Variants in GPM6A observed in about 807,000 individuals in gnomAD.
The protein encoded by GPM6A is neuronal membrane glycoprotein M6-a.
Under a neutral mutation model 32.1 loss-of-function variants are expected in GPM6A, and 7 were observed. The observed-to-expected ratio is 0.22, with a 90% CI of 0.12 to 0.41. GPM6A has a LOEUF of 0.41. Among genes scored for constraint, GPM6A ranks in the 10% least tolerant of loss-of-function variants. GPM6A has a pLI of 1.00. For synonymous variants in GPM6A, 130 were observed against 123.4 expected, an observed-to-expected ratio of 1.05 and a Z score of -0.35; for missense variants, 235 against 347.2, an observed-to-expected ratio of 0.68 and a Z score of 2.57.
intron 1 of GPM6A, among the ~76,000 whole-genome samples, chr4:175,751,585 G>C (rs560088382): frequency 6.6e-6 from 1 of 152,218 alleles, no homozygotes; most frequent in South Asian, 2.1e-4. Context: ...TTTCTGGAGA[G>C]AGAGAGGAGC....
At chr4:175,775,378 A>G (rs1428823546) in intron 1 of GPM6A, among the ~76,000 whole-genome samples, 4 of 152,142 alleles carry the variant, frequency 2.6e-5, no homozygotes, top group Admixed American at 2.0e-4. Context: ...AGATATAAAA[A>G]GAACGTTTCT....
At chr4:175,670,173 T>C (rs909359487) in intron 3 of GPM6A, among the ~76,000 whole-genome samples, 1 of 152,228 alleles carries the variant, frequency 6.6e-6, no homozygotes, top group Admixed American at 6.5e-5. Context: ...TTTATTTAAC[T>C]CTTAGAGCAG....
chr4:175,705,019 T>C (rs950795014), intron 1 of GPM6A, among the ~76,000 whole-genome samples: 4 of 152,190 alleles, frequency 2.6e-5, no homozygotes, highest in Non-Finnish European at 5.9e-5. Context: ...GTTTCACTTA[T>C]TTCTCATTTT....
At chr4:175,819,634 C>A (rs1227210335) in intron 1 of GPM6A, among the ~76,000 whole-genome samples, 1 of 152,098 alleles carries the variant, frequency 6.6e-6, no homozygotes, top group Non-Finnish European at 1.5e-5. Context: ...AGATTAAATT[C>A]TTTGTAGCAA....
Position 175,921,050 on chromosome 4 carries a change from A to T in GPM6A, c.-23+81259T>A, listed in dbSNP as rs571593967. ...AGAAAATAATTTCCATCATGAAGAA[A>T]ATTAGGATTATCTTTAACCAATCTG... On this transcript the variant is annotated intron_variant, in intron 1 of 7. Transcript: ENST00000280187. Among the ~76,000 whole-genome samples the T allele has an allele frequency of 8.1e-5, 12 of 148,930 alleles. No homozygotes were observed. The South Asian group carries it at 2.7e-3, about 33-fold the overall frequency.
chr4:175,653,144 C>T (rs1390374062), intron 3 of GPM6A, among the ~76,000 whole-genome samples: 1 of 152,026 alleles, frequency 6.6e-6, no homozygotes, highest in African/African-American at 2.4e-5. Context: ...CTAAAATTAG[C>T]ACTTTTGCAA....
intron 1 of GPM6A, among the ~76,000 whole-genome samples, chr4:175,723,137 A>G (rs574409134): frequency 6.6e-6 from 1 of 152,332 alleles, no homozygotes; most frequent in Admixed American, 6.5e-5. Context: ...TTTTAGTTAC[A>G]AAAGCTATAT....
chr4:175,913,421 G>A (rs1229843456), intron 1 of GPM6A, among the ~76,000 whole-genome samples: 2 of 152,184 alleles, frequency 1.3e-5, no homozygotes, highest in Non-Finnish European at 2.9e-5. Context: ...CTTTCCCAAA[G>A]TAGTAGCTGG....
At chr4:175,970,452 AC>A (rs1335947362) in intron 1 of GPM6A, among the ~76,000 whole-genome samples, 3 of 152,206 alleles carry the variant, frequency 2.0e-5, no homozygotes, top group African/African-American at 7.2e-5. Context: ...ACTTTGTAAT[AC>A]GTTTGGTTTG....
chr4:175,991,540 G>A (rs2126461061), intron 1 of GPM6A, among the ~76,000 whole-genome samples: 1 of 152,150 alleles, frequency 6.6e-6, no homozygotes, highest in African/African-American at 2.4e-5. Flanking sequence ...ATCCAGTGTT[G>A]AAGTTCATTA....
intron 1 of GPM6A, among the ~76,000 whole-genome samples, chr4:175,869,902 C>T (rs1300544155): frequency 6.6e-6 from 1 of 152,110 alleles, no homozygotes; most frequent in African/African-American, 2.4e-5. Context: ...CAATCATTAC[C>T]TCCATTTACA....
intron 1 of GPM6A, among the ~76,000 whole-genome samples, chr4:175,783,189 A>G (rs899967370): frequency 1.3e-5 from 2 of 151,968 alleles, no homozygotes; most frequent in African/African-American, 4.8e-5. Context: ...ATAAACATAA[A>G]TTATTAAATA....
At chr4:175,825,997 T>C (rs754442792) in intron 1 of GPM6A, among the ~76,000 whole-genome samples, 5 of 151,928 alleles carry the variant, frequency 3.3e-5, no homozygotes, top group Admixed American at 6.6e-5. Context: ...CTGGACAACA[T>C]AGCAAAACCC....
chr4:175,999,458 T>A (rs1468610328), intron 1 of GPM6A, among the ~76,000 whole-genome samples: 1 of 152,022 alleles, frequency 6.6e-6, no homozygotes, highest in Admixed American at 6.6e-5. Context: ...GCCGAGGACA[T>A]CAATGAGGAA....
chr4:175,794,155 T>G (rs1017742338), intron 1 of GPM6A, among the ~76,000 whole-genome samples: 4 of 152,062 alleles, frequency 2.6e-5, no homozygotes, highest in Non-Finnish European at 5.9e-5. Flanking sequence ...CTTGGAAAAA[T>G]TATCAAAAAT....
chr4:175,822,294 C>T (rs1735299769), intron 1 of GPM6A, among the ~76,000 whole-genome samples: 1 of 152,042 alleles, frequency 6.6e-6, no homozygotes, highest in South Asian at 2.1e-4. Context: ...ATTTTGAAAA[C>T]TTCTTTTAAT....
At chr4:175,704,827 C>G (rs1031995865) in intron 1 of GPM6A, among the ~76,000 whole-genome samples, 3 of 152,158 alleles carry the variant, frequency 2.0e-5, no homozygotes, top group African/African-American at 7.2e-5. Context: ...ATGAAGAGTT[C>G]AAACACTGAA....
intron 1 of GPM6A, among the ~76,000 whole-genome samples, chr4:175,991,282 G>A (rs910540457): frequency 5.4e-5 from 8 of 148,952 alleles, no homozygotes; most frequent in Non-Finnish European, 1.2e-4. Context: ...CACCATGTTG[G>A]CCAGGCTGGT....
intron 1 of GPM6A, among the ~76,000 whole-genome samples, chr4:175,749,247 C>T (rs1732225187): frequency 6.6e-6 from 1 of 152,000 alleles, no homozygotes; most frequent in Non-Finnish European, 1.5e-5. Flanking sequence ...TTTGCATTAA[C>T]CTAATAACTT....
Sources: gnomAD v4.1 joint callset for allele counts (sites outside exome capture counted in the v4.1 genomes callset) on GRCh38, gnomAD v4.1.1 for gene constraint, MANE v1.5 for transcripts, NCBI Gene and HGNC (gene_info 2026-07-23, HGNC 2026-07-21) for gene names.